Variants in THADA observed in about 807,000 individuals in gnomAD.
The protein encoded by THADA is THADA armadillo repeat containing, also known as tRNA (32-2'-O)-methyltransferase regulator THADA.
THADA carries 213 observed loss-of-function variants against 219.8 expected under a neutral mutation model. The observed-to-expected ratio is 0.97, with a 90% CI of 0.87 to 1.09. The LOEUF is 1.09. Ranked by LOEUF, THADA falls within the 50% of genes least tolerant of loss-of-function variation. The probability of loss-of-function intolerance (pLI) is 0.00; values close to 1 mark genes in which losing one functional copy is unlikely to be tolerated. For synonymous variants in THADA, 1,018 were observed against 828.9 expected (o/e 1.23, Z -3.92); for missense variants, 2,956 against 2,311.3 (o/e 1.28, Z -5.72).
rs1692195318 is a variant in THADA at position 43,519,862 on chromosome 2, T to C, written c.3374+8017A>G. On this transcript the variant is annotated intron_variant, in intron 22 of 37. Coordinates refer to ENST00000405975, the MANE Select transcript of THADA (RefSeq NM_022065.5). The stretch of plus-strand genomic sequence containing the variant: ...TAAGTCTTCTCAATAGTGAGGTCAC[T>C]GTGCCTATAAAAAGCAGAATAGAGT... Among the ~76,000 whole-genome samples, 3 of 152,226 alleles carry C rather than the reference T, an allele frequency of 2.0e-5. No individual in the cohort carries two copies. The South Asian group carries it at 6.2e-4, about 32-fold the overall frequency.
rs189997948 is a variant in THADA, at chr2:43,511,444, T to C, written c.3375-2664A>G. ...AGAACATCTCACTATGCATCACCCT[T>C]CCCTGCATGAACTTTCAGTGGCTCT... On this transcript the variant is annotated intron_variant, in intron 22 of 37. Coordinates refer to ENST00000405975, the MANE Select transcript of THADA (RefSeq NM_022065.5). Among the ~76,000 whole-genome samples, 3 of 152,254 alleles carry C rather than the reference T, an allele frequency of 2.0e-5. No individual in the cohort carries two copies. The East Asian group carries it at 5.8e-4, about 29-fold the overall frequency.
At chr2:43,554,942 A>G (rs1341597857) in intron 17 of THADA, among the ~76,000 whole-genome samples, 1 of 152,176 alleles carries the variant, frequency 6.6e-6, no homozygotes, top group Non-Finnish European at 1.5e-5. Context: ...GTGAAAATCC[A>G]AAATCCAAAA....
intron 29 of THADA, among the ~76,000 whole-genome samples, chr2:43,363,707 C>T (rs1383118350): frequency 6.6e-6 from 1 of 152,190 alleles, no homozygotes; most frequent in Non-Finnish European, 1.5e-5. Context: ...GTTCATGAGT[C>T]TGTGGAGCAG....
chr2:43,362,080 A>G (rs1669586413), intron 29 of THADA, among the ~76,000 whole-genome samples: 1 of 152,244 alleles, frequency 6.6e-6, no homozygotes, highest in Non-Finnish European at 1.5e-5. Context: ...AGTATTTCCC[A>G]AATGACCCAA....
At chr2:43,425,960 G>A (rs897891076) in intron 28 of THADA, among the ~76,000 whole-genome samples, 1 of 152,132 alleles carries the variant, frequency 6.6e-6, no homozygotes, top group Admixed American at 6.5e-5. Flanking sequence ...CACTTCTGCT[G>A]TTGGTGATGT....
chr2:43,440,288 A>T (rs1244010290), intron 26 of THADA, among the ~76,000 whole-genome samples: 1 of 152,178 alleles, frequency 6.6e-6, no homozygotes, highest in Non-Finnish European at 1.5e-5. Flanking sequence ...TCTTCCATTT[A>T]ATGGCTACAG....
At chr2:43,307,109 G>A (rs971313911) in intron 31 of THADA, among the ~76,000 whole-genome samples, 52 of 152,320 alleles carry the variant, frequency 3.4e-4, no homozygotes, top group African/African-American at 1.2e-3. Flanking sequence ...TGAACAAAAT[G>A]TATGAAATTA....
chr2:43,466,543 T>C (rs958039121), intron 26 of THADA, among the ~76,000 whole-genome samples: 2 of 152,168 alleles, frequency 1.3e-5, no homozygotes, highest in African/African-American at 2.4e-5. Context: ...GATTCTGAGA[T>C]CTTTGTGGGC....
chr2:43,456,230 C>T (rs111624135), intron 26 of THADA, among the ~76,000 whole-genome samples: 3 of 152,190 alleles, frequency 2.0e-5, no homozygotes, highest in Non-Finnish European at 4.4e-5. Flanking sequence ...AAAAGTCATG[C>T]ATTCAGACAA....
At chr2:43,318,960 C>T (rs1397701835) in intron 31 of THADA, among the ~76,000 whole-genome samples, 1 of 152,106 alleles carries the variant, frequency 6.6e-6, no homozygotes, top group Non-Finnish European at 1.5e-5. Context: ...AAACTCAGTT[C>T]AAATAAACTA....
At chr2:43,271,434 CAGG>C (rs1312384694) in intron 36 of THADA, among the ~76,000 whole-genome samples, 5 of 152,152 alleles carry the variant, frequency 3.3e-5, no homozygotes, top group African/African-American at 1.2e-4. Flanking sequence ...GCTCCCCCAC[CAGG>C]TAGATCTGAA....
At chr2:43,567,782 C>G (rs114434418) in intron 14 of THADA, among the ~76,000 whole-genome samples, 151 of 152,334 alleles carry the variant, frequency 9.9e-4, no homozygotes, top group African/African-American at 3.5e-3. Context: ...AGCACACTAT[C>G]CTACATACAT....
chr2:43,500,021 A>G (rs995226011), intron 24 of THADA, among the ~76,000 whole-genome samples: 45 of 152,164 alleles, frequency 3.0e-4, no homozygotes, highest in African/African-American at 1.0e-3. Flanking sequence ...AACCCCTGAC[A>G]TGACTAACCA....
intron 22 of THADA, among the ~76,000 whole-genome samples, chr2:43,515,172 T>TATATATTATATATTATATATTATATATA (rs1691374364): frequency 2.6e-4 from 1 of 3,896 alleles, no homozygotes; most frequent in Non-Finnish European, 4.0e-4. Flanking sequence ...TATAATATAT[T>TATATATTATATATTATATATTATATATA]ATATATTATA....
chr2:43,248,466 A>G (rs1024887331), intron 36 of THADA, among the ~76,000 whole-genome samples: 1 of 152,062 alleles, frequency 6.6e-6, no homozygotes, highest in Non-Finnish European at 1.5e-5. Context: ...TCCTGACCTC[A>G]GGAGATCTGC....
intron 15 of THADA, chr2:43,565,781 T>A (rs1220843611): frequency 6.6e-6 from 1 of 152,002 alleles, no homozygotes; most frequent in Non-Finnish European, 1.5e-5. Context: ...TATACACACA[T>A]ATACAGGGAA....
chr2:43,243,432 C>T (rs930100646), intron 36 of THADA, among the ~76,000 whole-genome samples: 3 of 152,186 alleles, frequency 2.0e-5, no homozygotes, highest in African/African-American at 4.8e-5. Flanking sequence ...ACAGTGCCAA[C>T]GATGAGAAGC....
At chr2:43,240,071 G>A (rs1668459425) in intron 36 of THADA, among the ~76,000 whole-genome samples, 2 of 152,234 alleles carry the variant, frequency 1.3e-5, no homozygotes, top group South Asian at 2.1e-4. Flanking sequence ...TATATCATGA[G>A]TAGGGGTAAT....
chr2:43,340,229 A>C (rs944716666), intron 30 of THADA, among the ~76,000 whole-genome samples: 1 of 152,226 alleles, frequency 6.6e-6, no homozygotes, highest in African/African-American at 2.4e-5. Flanking sequence ...AGGCTTTGAC[A>C]TCCTGGAATG....
Sources: allele counts gnomAD v4.1 joint callset (sites outside exome capture counted in the v4.1 genomes callset), GRCh38; gene constraint gnomAD v4.1.1; transcripts MANE v1.5; gene names NCBI Gene and HGNC (gene_info 2026-07-23, HGNC 2026-07-21).